COL25A1: variants seen among roughly 807,000 people sequenced by gnomAD.
COL25A1 encodes the protein collagen type XXV alpha 1 chain.
Under a neutral mutation model 128.4 loss-of-function variants are expected in COL25A1, and 103 were observed. The ratio of observed to expected loss-of-function variants is 0.80; its 90% CI spans 0.68 to 0.94. COL25A1 has a LOEUF of 0.94. Among genes scored for constraint, COL25A1 ranks in the 40% least tolerant of loss-of-function variants. The pLI is 0.00. For synonymous variants in COL25A1, 279 were observed against 277.2 expected (o/e 1.01, Z -0.06); for missense variants, 745 against 840.0 (o/e 0.89, Z 1.40).
At chr4:108,860,903 T>C in intron 23 of COL25A1, 24 bp downstream of exon 23, 1 of 1,610,818 alleles carries the variant, frequency 6.2e-7, no homozygotes, top group Non-Finnish European at 8.5e-7. Flanking sequence ...AGCAAAAGTT[T>C]AGATGGATGA....
chr4:108,936,889 C>T (rs1249894398), intron 11 of COL25A1, among the ~76,000 whole-genome samples: 2 of 150,844 alleles, frequency 1.3e-5, no homozygotes, highest in African/African-American at 2.4e-5. Flanking sequence ...AGTGATCCTC[C>T]CCTCGCTGGC....
intron 3 of COL25A1, among the ~76,000 whole-genome samples, chr4:109,176,205 C>T (rs1774080034): frequency 6.6e-6 from 1 of 152,214 alleles, no homozygotes; most frequent in Non-Finnish European, 1.5e-5. Context: ...TCCTGGCCAA[C>T]ATGGTGAAAC....
chr4:109,183,638 C>T (rs1261885924), intron 3 of COL25A1, among the ~76,000 whole-genome samples: 2 of 151,934 alleles, frequency 1.3e-5, no homozygotes, highest in Non-Finnish European at 2.9e-5. Flanking sequence ...TCTGGGGCAT[C>T]TTGAAAACAT....
At chr4:109,040,399 A>G (rs554309801) in intron 5 of COL25A1, among the ~76,000 whole-genome samples, 1 of 152,328 alleles carries the variant, frequency 6.6e-6, no homozygotes, top group African/African-American at 2.4e-5. Context: ...CTCTGATCAC[A>G]TGCTGCCAAA....
intron 3 of COL25A1, among the ~76,000 whole-genome samples, chr4:109,157,184 T>C (rs1307470275): frequency 2.6e-5 from 4 of 152,186 alleles, no homozygotes; most frequent in Non-Finnish European, 4.4e-5. Flanking sequence ...GTCTTATGGA[T>C]ATTCTCAATT....
intron 3 of COL25A1, among the ~76,000 whole-genome samples, chr4:109,272,295 T>C (rs769539143): frequency 7.9e-5 from 12 of 152,102 alleles, no homozygotes; most frequent in Non-Finnish European, 1.5e-4. Flanking sequence ...AACAAAATCA[T>C]AGAGGAGAAT....
At chr4:108,920,746 A>G (rs1437839900) in intron 11 of COL25A1, 142 bp from the exon 12 acceptor site, 1 of 495,342 alleles carries the variant, frequency 2.0e-6, no homozygotes, top group African/African-American at 2.0e-5. Context: ...AAAAAAAGAA[A>G]AATTTCAGTT....
intron 3 of COL25A1, among the ~76,000 whole-genome samples, chr4:109,139,062 A>G (rs924031977): frequency 3.3e-5 from 5 of 151,974 alleles, no homozygotes; most frequent in Admixed American, 2.0e-4. Flanking sequence ...CATTTCTCTA[A>G]TGACCAGTGA....
chr4:108,873,997 A>T (rs1739126301), intron 19 of COL25A1, among the ~76,000 whole-genome samples: 1 of 152,226 alleles, frequency 6.6e-6, no homozygotes, highest in Admixed American at 6.5e-5. Context: ...ATGTCTAGGC[A>T]AAAGGCAATG....
chr4:109,157,301 AGTT>A (rs1772125398), intron 3 of COL25A1, among the ~76,000 whole-genome samples: 1 of 152,334 alleles, frequency 6.6e-6, no homozygotes, highest in South Asian at 2.1e-4. Flanking sequence ...GAAAAATTTG[AGTT>A]AAGACAACTA....
At position 109,197,441 on chromosome 4, in the gene COL25A1, TTA is replaced by T. The variant is rs571601561; in HGVS notation, c.367+103140_367+103141del. On this transcript the variant is annotated intron_variant, in intron 3 of 37. Transcript: ENST00000399132. ...ATATATTATATATAAATATTATATA[TTA>T]TATATATTATATATAAATATTATAT... Among the ~76,000 whole-genome samples, 966 of 123,434 alleles carry T rather than the reference TTA, an allele frequency of 7.8e-3. 34 individuals are homozygous for T. The South Asian group carries it at 0.11, about 14-fold the overall frequency. 81.0% of individuals were successfully genotyped at this position (123,434 alleles called of 152,430 possible).
At chr4:108,938,731 C>T (rs1232165871) in intron 10 of COL25A1, among the ~76,000 whole-genome samples, 5 of 152,142 alleles carry the variant, frequency 3.3e-5, no homozygotes, top group Non-Finnish European at 7.3e-5. Flanking sequence ...GTGGTGGGCA[C>T]CTGTAGTCCC....
intron 3 of COL25A1, among the ~76,000 whole-genome samples, chr4:109,099,038 T>C (rs1024618675): frequency 1.3e-5 from 2 of 152,224 alleles, no homozygotes; most frequent in African/African-American, 2.4e-5. Context: ...ATTCAGGGCA[T>C]GTAGGGCACA....
At chr4:109,190,474 C>T (rs1775511504) in intron 3 of COL25A1, among the ~76,000 whole-genome samples, 1 of 152,202 alleles carries the variant, frequency 6.6e-6, no homozygotes, top group South Asian at 2.1e-4. Flanking sequence ...CATATATCCA[C>T]ACTCCTATGC....
chr4:109,048,084 A>G, intron 5 of COL25A1, 84 bp downstream of exon 5: 2 of 1,398,884 alleles, frequency 1.4e-6, no homozygotes, highest in Non-Finnish European at 2.0e-6. Flanking sequence ...AGACATAGAG[A>G]CTATATTTTG....
intron 32 of COL25A1, among the ~76,000 whole-genome samples, chr4:108,830,575 A>G (rs1732976047): frequency 6.6e-6 from 1 of 152,238 alleles, no homozygotes; most frequent in Non-Finnish European, 1.5e-5. Flanking sequence ...CTGATATATG[A>G]TCCAGTTAAG....
At chr4:108,905,682 T>G (rs1275206010) in intron 13 of COL25A1, among the ~76,000 whole-genome samples, 1 of 152,084 alleles carries the variant, frequency 6.6e-6, no homozygotes, top group Non-Finnish European at 1.5e-5. Flanking sequence ...TATAAAATTA[T>G]TTAATTATTA....
chr4:109,174,457 A>C (rs1176030703), intron 3 of COL25A1, among the ~76,000 whole-genome samples: 1 of 152,190 alleles, frequency 6.6e-6, no homozygotes, highest in Non-Finnish European at 1.5e-5. Context: ...TGTTTCAAGC[A>C]AGCCAATCAC....
At chr4:109,037,296 C>T (rs941203607) in intron 5 of COL25A1, among the ~76,000 whole-genome samples, 1 of 152,294 alleles carries the variant, frequency 6.6e-6, no homozygotes, top group South Asian at 2.1e-4. Context: ...AGTGGTGACT[C>T]GGCCACTTTG....
Sources: gnomAD v4.1 joint callset for allele counts (sites outside exome capture counted in the v4.1 genomes callset) on GRCh38, gnomAD v4.1.1 for gene constraint, MANE v1.5 for transcripts, NCBI Gene and HGNC (gene_info 2026-07-23, HGNC 2026-07-21) for gene names.